ARMH4: variants seen among roughly 807,000 people sequenced by gnomAD.
The protein encoded by ARMH4 is armadillo like helical domain containing 4, also known as armadillo-like helical domain-containing protein 4.
ARMH4 carries 49 observed loss-of-function variants against 61.9 expected under a neutral mutation model. The ratio of observed to expected loss-of-function variants is 0.79; its 90% CI spans 0.63 to 1.00. ARMH4 has a LOEUF of 1.00. Ranked by LOEUF, ARMH4 falls within the 50% of genes least tolerant of loss-of-function variation. The pLI is 0.00. For synonymous variants in ARMH4, 368 were observed against 341.5 expected (o/e 1.08, Z -0.85); for missense variants, 934 against 930.0 (o/e 1.00, Z -0.06).
chr14:58,023,340 CTG>C (rs1392969159), intron 5 of ARMH4, among the ~76,000 whole-genome samples: 1 of 152,162 alleles, frequency 6.6e-6, no homozygotes, highest in African/African-American at 2.4e-5. Flanking sequence ...CATTTCAACA[CTG>C]TTCACACCAG....
chr14:58,094,945 C>A (rs543951274), intron 5 of ARMH4, among the ~76,000 whole-genome samples: 1 of 152,246 alleles, frequency 6.6e-6, no homozygotes, highest in South Asian at 2.1e-4. Flanking sequence ...ATAATACATA[C>A]CTCAGTAAAG....
intron 4 of ARMH4, among the ~76,000 whole-genome samples, chr14:58,110,860 T>C (rs1175576866): frequency 6.6e-6 from 1 of 152,104 alleles, no homozygotes; most frequent in Non-Finnish European, 1.5e-5. Context: ...TAGTTGGAAT[T>C]ACAGGTGCAC....
At chr14:58,024,180 C>A (rs1051995858) in intron 5 of ARMH4, among the ~76,000 whole-genome samples, 1 of 152,162 alleles carries the variant, frequency 6.6e-6, no homozygotes, top group South Asian at 2.1e-4. Context: ...TATAAAAGTC[C>A]TATATAACAT....
intron 4 of ARMH4, among the ~76,000 whole-genome samples, chr14:58,122,974 G>T (rs1886776418): frequency 6.6e-6 from 1 of 152,072 alleles, no homozygotes. Context: ...AGGGCCAGGA[G>T]GTTAACTGTC....
chr14:58,021,738 G>A (rs578168977), intron 5 of ARMH4, among the ~76,000 whole-genome samples: 1 of 152,132 alleles, frequency 6.6e-6, no homozygotes, highest in Non-Finnish European at 1.5e-5. Context: ...AGACAGGTAG[G>A]GAATGGTCAG....
intron 1 of ARMH4, among the ~76,000 whole-genome samples, chr14:58,142,203 A>T (rs1380423016): frequency 6.6e-6 from 1 of 152,102 alleles, no homozygotes; most frequent in Non-Finnish European, 1.5e-5. Context: ...TACAGTTTAC[A>T]TTTTTTTCTT....
Position 58,081,974 on chromosome 14 carries a change from T to C in ARMH4, c.2089+14750A>G, listed in dbSNP as rs371767992. ...AAAAAAAACCTTAGATGCTAAAATA[T>C]AGGCAGGATACCACAGCTTACCTAT... On this transcript the variant is annotated intron_variant, in intron 5 of 7. Transcript: ENST00000267485. Among the ~76,000 whole-genome samples, 7 of 151,740 alleles carry C rather than the reference T, an allele frequency of 4.6e-5. 1 individual carries two copies. Among genetic ancestry groups the C allele is most frequent in the African/African-American group, 4.8e-5 (2 of 41,398 alleles).
chr14:58,061,594 C>T lies in ARMH4; in HGVS notation c.2089+35130G>A, dbSNP rs117202478. Reference sequence around the variant, plus strand: ...CTGAGAGTTACAGGAGAAATGAAAGCCATGGGTCCTGATAACCACTGAATG... The same window carrying T: ...CTGAGAGTTACAGGAGAAATGAAAGTCATGGGTCCTGATAACCACTGAATG... On this transcript the variant is annotated intron_variant, in intron 5 of 7. Coordinates refer to ENST00000267485, the MANE Select transcript of ARMH4 (RefSeq NM_001001872.4). Among the ~76,000 whole-genome samples, 1,009 of 152,310 alleles carry T rather than the reference C, an allele frequency of 6.6e-3. 22 individuals carry two copies. Among genetic ancestry groups the T allele is most frequent in the East Asian group, 0.06 (313 of 5,178 alleles).
chr14:58,138,208 T>A lies in ARMH4; in HGVS notation c.1151A>T (p.His384Leu). 1 of 1,614,214 alleles carries A rather than the reference T, an allele frequency of 6.2e-7. No homozygotes were observed. Among genetic ancestry groups the A allele is most frequent in the Non-Finnish European group, 8.5e-7 (1 of 1,180,034 alleles). ...THTGTALLIA[H>L]GNERSPAFTD... Reference sequence around the variant, plus strand: ...GAAAGCAGGTGATCTCTCATTCCCATGCGCTATTAGCAGGGCTGTGCCCGT... The same window carrying A: ...GAAAGCAGGTGATCTCTCATTCCCAAGCGCTATTAGCAGGGCTGTGCCCGT... Residue 384 changes from histidine to leucine, a missense_variant, in exon 2 of 8, where the codon CAT (histidine) becomes CTT (leucine). By Grantham distance (99) the His-to-Leu change is moderately conservative. Coordinates refer to ENST00000267485, the MANE Select transcript of ARMH4 (RefSeq NM_001001872.4).
At chr14:58,145,152 C>T (rs1017745433) in intron 1 of ARMH4, among the ~76,000 whole-genome samples, 2 of 152,012 alleles carry the variant, frequency 1.3e-5, no homozygotes, top group African/African-American at 4.8e-5. Flanking sequence ...ATCTGAAAGC[C>T]CCAGGCCATC....
intron 5 of ARMH4, among the ~76,000 whole-genome samples, chr14:58,024,806 G>A (rs909080599): frequency 2.6e-5 from 4 of 152,142 alleles, no homozygotes; most frequent in Non-Finnish European, 5.9e-5. Flanking sequence ...AGGGAATAGG[G>A]AGGCCTAAAG....
chr14:58,129,617 A>T (rs925734156), intron 4 of ARMH4, among the ~76,000 whole-genome samples: 8 of 152,240 alleles, frequency 5.3e-5, no homozygotes, highest in African/African-American at 1.9e-4. Flanking sequence ...AAAAACATGC[A>T]TTGAAAATAG....
intron 5 of ARMH4, among the ~76,000 whole-genome samples, 182 bp from the exon 6 acceptor site, chr14:58,012,332 G>A (rs1369868560): frequency 6.6e-6 from 1 of 152,130 alleles, no homozygotes; most frequent in African/African-American, 2.4e-5. Flanking sequence ...GCAATGGAGA[G>A]CACAAACATC....
At chr14:58,043,069 A>G (rs989797117) in intron 5 of ARMH4, among the ~76,000 whole-genome samples, 2 of 152,214 alleles carry the variant, frequency 1.3e-5, no homozygotes, top group Non-Finnish European at 1.5e-5. Flanking sequence ...ATTCCAATCA[A>G]TAGAAAAAGA....
intron 4 of ARMH4, among the ~76,000 whole-genome samples, chr14:58,121,211 T>C (rs1886711218): frequency 6.6e-6 from 1 of 152,202 alleles, no homozygotes; most frequent in Non-Finnish European, 1.5e-5. Context: ...AATAAATACT[T>C]GTTAAATGCA....
At chr14:58,133,024 A>T (rs1410121769) in intron 3 of ARMH4, 66 bp downstream of exon 3, 1 of 1,572,322 alleles carries the variant, frequency 6.4e-7, no homozygotes. Context: ...CACTCATTCT[A>T]TTCCTAGTCC....
intron 4 of ARMH4, among the ~76,000 whole-genome samples, chr14:58,102,647 T>A (rs535175003): frequency 1.4e-5 from 2 of 144,984 alleles, no homozygotes; most frequent in Non-Finnish European, 3.0e-5. Flanking sequence ...CCGTCTCTAC[T>A]AAAAATACAA....
chr14:58,020,707 C>T (rs1486740281), intron 5 of ARMH4, among the ~76,000 whole-genome samples: 2 of 152,128 alleles, frequency 1.3e-5, no homozygotes, highest in African/African-American at 4.8e-5. Context: ...TCCTGTGTGC[C>T]AGGGTAGCAG....
intron 4 of ARMH4, among the ~76,000 whole-genome samples, chr14:58,114,314 T>C (rs1886451301): frequency 6.6e-6 from 1 of 152,176 alleles, no homozygotes; most frequent in African/African-American, 2.4e-5. Context: ...GGCTCAAGTG[T>C]AGACACCTAG....
Sources: allele counts gnomAD v4.1 joint callset (sites outside exome capture counted in the v4.1 genomes callset), GRCh38; gene constraint gnomAD v4.1.1; transcripts MANE v1.5; gene names NCBI Gene and HGNC (gene_info 2026-07-23, HGNC 2026-07-21).